Variants in DNAH10 observed in about 807,000 individuals in gnomAD.
DNAH10 encodes axonemal beta dynein heavy chain 10.
In DNAH10, 348 loss-of-function variants were observed where a neutral mutation model predicts 506.6. The observed-to-expected ratio is 0.69, with a 90% CI of 0.63 to 0.75. The LOEUF is 0.75. Ranked by LOEUF, DNAH10 falls within the 30% of genes least tolerant of loss-of-function variation. The pLI is 0.00. For synonymous variants in DNAH10, 2,059 were observed against 2,198.6 expected (o/e 0.94, Z 1.78); for missense variants, 5,179 against 5,787.1 (o/e 0.89, Z 3.41).
intron 52 of DNAH10, among the ~76,000 whole-genome samples, 181 bp downstream of exon 52, chr12:123,887,494 G>A (rs1952789811): frequency 6.6e-6 from 1 of 152,110 alleles, no homozygotes; most frequent in Admixed American, 6.5e-5. Context: ...TCCTGTCCTG[G>A]AGTCTCCCGA....
In DNAH10 at chr12:123,762,523, G is replaced by A. The variant is rs777153512; in HGVS notation, c.187G>A (p.Val63Met). The A allele has an allele frequency of 6.4e-7, 1 of 1,557,956 alleles. No homozygotes were observed. The highest frequency in any genetic ancestry group is 8.7e-7 in the Non-Finnish European group (1 of 1,151,876). Residue 63 changes from valine to methionine, a missense_variant, in exon 1 of 79, where the codon GTG (valine) becomes ATG (methionine). Coordinates refer to ENST00000673944, the MANE Select transcript of DNAH10 (RefSeq NM_001372106.1). The surrounding 1 kb of genome is among the most constrained non-coding windows in gnomAD (Gnocchi z 5.0). ...GGCGCTCTTCATCTACCGCACTATG[G>A]TGCCGGAGGAGGTGGAGGTGGAGAT... ...PSALFIYRTMVPEEVEVEIDE... is the reference protein window; with the variant it reads ...PSALFIYRTMMPEEVEVEIDE...
chr12:123,811,448 G>A (rs997884941), intron 19 of DNAH10, among the ~76,000 whole-genome samples: 4 of 151,536 alleles, frequency 2.6e-5, no homozygotes, highest in East Asian at 1.9e-4. Context: ...TCAGCCTCCC[G>A]AGTAGCTGGG....
At chr12:123,861,908 C>T (rs759859780) in intron 39 of DNAH10, among the ~76,000 whole-genome samples, 25 of 152,188 alleles carry the variant, frequency 1.6e-4, no homozygotes, top group Non-Finnish European at 2.5e-4. Context: ...CGCTGAATTC[C>T]GTTGTCTTGT....
chr12:123,918,982 T>G (rs2137551877), intron 65 of DNAH10, 33 bp downstream of exon 65: 1 of 1,527,694 alleles, frequency 6.5e-7, no homozygotes, highest in South Asian at 1.3e-5. Flanking sequence ...GACATGTTAG[T>G]GTAGTTTGGT....
In DNAH10 at chr12:123,870,472, C is replaced by A; in HGVS notation, c.7626C>A (p.Phe2542Leu). 1 of 1,613,502 alleles carries A rather than the reference C, an allele frequency of 6.2e-7. No homozygotes were observed. Among genetic ancestry groups the A allele is most frequent in the Non-Finnish European group, 8.5e-7 (1 of 1,179,814 alleles). ...ATATTCATGCCCCCGAGAGGAAATT[C>A]ATCAACATCCTGGGTAAGTCAGAGT... ...PEYIHAPERKFINILVHTVDT... is the reference protein window; with the variant it reads ...PEYIHAPERKLINILVHTVDT... Residue 2542 changes from phenylalanine to leucine, a missense_variant, in exon 44 of 79, where the codon TTC becomes TTA. Physicochemically the swap from Phe to Leu is conservative, Grantham distance 22. Transcript: ENST00000673944.
intron 51 of DNAH10, among the ~76,000 whole-genome samples, chr12:123,886,133 C>T (rs2137108878): frequency 6.6e-6 from 1 of 152,278 alleles, no homozygotes; most frequent in South Asian, 2.1e-4. Context: ...TTCTATAGGA[C>T]AAGGCATTCC....
rs375220630 is a variant in DNAH10, at chr12:123,897,880, C to A, written c.9391C>A (p.Arg3131Ser). Residue 3131 changes from arginine to serine, a missense_variant, in exon 55 of 79, where the codon CGC becomes AGC. Around this residue, in one of 3 missense-constraint regions of DNAH10, gnomAD observed 4,844 missense variants for 5,430.5 expected, o/e 0.89. Coordinates refer to ENST00000673944, the MANE Select transcript of DNAH10 (RefSeq NM_001372106.1). Reference sequence around the variant, plus strand: ...CCAACAGTTTCTACAGAAATTGAGGCGCAGCAACTATGTCACTCCCAAGAA... The same window carrying A: ...CCAACAGTTTCTACAGAAATTGAGGAGCAGCAACTATGTCACTCCCAAGAA... ...YSQQFLQKLR[R>S]SNYVTPKNYL... 3.7e-6 allele frequency: 6 copies of A among 1,610,898 alleles called. No individual in the cohort carries two copies. The highest frequency in any genetic ancestry group is 3.3e-5 in the South Asian group (3 of 89,960).
chr12:123,794,697 T>G (rs1958209998), intron 12 of DNAH10, among the ~76,000 whole-genome samples: 1 of 150,556 alleles, frequency 6.6e-6, no homozygotes, highest in Admixed American at 6.6e-5. Context: ...AATATGAAAA[T>G]TATCCTGGTG....
intron 1 of DNAH10, among the ~76,000 whole-genome samples, chr12:123,764,367 A>G (rs1328291202): frequency 6.6e-6 from 1 of 152,172 alleles, no homozygotes. Context: ...ACATTAGATT[A>G]TAACTGGACC....
chr12:123,789,580 C>A (rs1386706552), intron 10 of DNAH10, among the ~76,000 whole-genome samples: 1 of 152,116 alleles, frequency 6.6e-6, no homozygotes, highest in Non-Finnish European at 1.5e-5. Flanking sequence ...GACAGGGTTT[C>A]GCCATGTTTG....
intron 24 of DNAH10, among the ~76,000 whole-genome samples, chr12:123,821,692 C>T (rs1201810398): frequency 2.6e-5 from 4 of 151,970 alleles, no homozygotes; most frequent in Non-Finnish European, 4.4e-5. Context: ...ATTTTACTGT[C>T]ATCATAGAAA....
Position 123,934,638 on chromosome 12 carries a change from CTG to C in DNAH10, c.13497_13498del (p.Tyr4500ProfsTer5). The C allele has an allele frequency of 6.2e-7, 1 of 1,613,674 alleles. No homozygotes were observed. Among genetic ancestry groups the C allele is most frequent in the Non-Finnish European group, 8.5e-7 (1 of 1,179,794 alleles). ...GTCCCTAGGATGCTTTGTCTCAGGA[CTG>C]TACCTGGAAGGTGCTGACTGGGATA... ...RAGQGCFVSG[L>X]YLEGADWDIE... On this transcript the variant is annotated frameshift_variant, in exon 78 of 79. Coordinates refer to ENST00000673944, the MANE Select transcript of DNAH10 (RefSeq NM_001372106.1). LOFTEE classifies it high-confidence loss of function.
chr12:123,830,487 A>G (rs1420803490), intron 25 of DNAH10, 59 bp from the exon 26 acceptor site: 3 of 1,488,880 alleles, frequency 2.0e-6, no homozygotes, highest in Non-Finnish European at 2.7e-6. Flanking sequence ...AAATGGGAGT[A>G]ATTGAACTCC....
At position 123,771,618 on chromosome 12, in the gene DNAH10, AG is replaced by A. The variant is rs773148961; in HGVS notation, c.317del (p.Arg106LysfsTer5). On this transcript the variant is annotated frameshift_variant, in exon 3 of 79. Transcript: ENST00000673944. LOFTEE classifies it high-confidence loss of function. ...DKVRAKRVSLRTESLGQPLNR... is the reference protein window; with the variant it reads ...DKVRAKRVSLXTESLGQPLNR... ...TTTTGCAGCTAAGCGTGTGTCACTG[AG>A]AACCGAATCTCTAGGCCAACCTCTA... 1 of 1,613,692 alleles carries A rather than the reference AG, an allele frequency of 6.2e-7. No individual in the cohort carries two copies. Among genetic ancestry groups the A allele is most frequent in the South Asian group, 1.1e-5 (1 of 90,954 alleles).
At chr12:123,774,019 T>G (rs1443708938) in intron 4 of DNAH10, 130 bp from the exon 5 acceptor site, 1 of 656,260 alleles carries the variant, frequency 1.5e-6, no homozygotes, top group Non-Finnish European at 2.6e-6. Context: ...TAGGGGATAT[T>G]CTGAATCTGT....
intron 52 of DNAH10, among the ~76,000 whole-genome samples, chr12:123,890,546 A>G (rs971725565): frequency 2.0e-5 from 3 of 151,578 alleles, no homozygotes; most frequent in Non-Finnish European, 4.4e-5. Flanking sequence ...TCACCTTCCC[A>G]AGGTGTTGAG....
At position 123,928,475 on chromosome 12, in the gene DNAH10, A is replaced by T. The variant is rs1371057418; in HGVS notation, c.12194A>T (p.Asp4065Val). 6.2e-7 allele frequency: 1 copy of T among 1,610,834 alleles called. No individual in the cohort carries two copies. The highest frequency in any genetic ancestry group is 8.5e-7 in the Non-Finnish European group (1 of 1,178,812). ...NCHLLVKWLK[D>V]LEKSLERITK... ...CACCTCCTGGTCAAGTGGCTGAAAG[A>T]TCTGGAGAAGTCCCTGGAGAGGATC... Residue 4065 changes from aspartate to valine, a missense_variant, in exon 70 of 79, where the codon GAT (aspartate) becomes GTT (valine). Transcript: ENST00000673944. The surrounding 1 kb of genome is among the most constrained non-coding windows in gnomAD (Gnocchi z 4.9).
intron 2 of DNAH10, 95 bp from the exon 3 acceptor site, chr12:123,771,506 T>G: frequency 1.5e-5 from 15 of 987,222 alleles, no homozygotes; most frequent in East Asian, 2.6e-5. Flanking sequence ...GCCTTTTGAA[T>G]GAAATGTACT....
Position 123,916,113 on chromosome 12 carries a change from T to G in DNAH10, c.10723-344T>G, listed in dbSNP as rs1954466288. 6.6e-6 allele frequency among the ~76,000 whole-genome samples: 1 copy of G among 152,032 alleles called. No individual in the cohort carries two copies. The highest frequency in any genetic ancestry group is 1.5e-5 in the Non-Finnish European group (1 of 67,988). ...TATGAGGGCAGGAACTTTTCTAGAC[T>G]CCCTCTTCCCTCAGCCTGCCAGGGA... On this transcript the variant is annotated intron_variant, in intron 62 of 78. Transcript: ENST00000673944. The surrounding 1 kb of genome is among the most constrained non-coding windows in gnomAD (Gnocchi z 4.6).
Sources: gnomAD v4.1 joint callset for allele counts (sites outside exome capture counted in the v4.1 genomes callset) on GRCh38, gnomAD v4.1.1 for gene constraint, gnomAD v4.1.1 regional missense constraint, Gnocchi (gnomAD v3.1) non-coding constraint, MANE v1.5 for transcripts, NCBI Gene and HGNC (gene_info 2026-07-23, HGNC 2026-07-21) for gene names.